The following RAB6A variants were observed in gnomAD, a reference collection of about 807,000 sequenced individuals.
The protein encoded by RAB6A is ras-related protein Rab-6A.
Under a neutral mutation model 32.3 loss-of-function variants are expected in RAB6A, and 8 were observed. That is an observed-to-expected ratio of 0.25 (90% confidence interval 0.15 to 0.45). RAB6A has a LOEUF of 0.45. Among genes scored for constraint, RAB6A ranks in the 20% least tolerant of loss-of-function variants. RAB6A has a pLI of 1.00. For synonymous variants in RAB6A, 73 were observed against 82.1 expected, an observed-to-expected ratio of 0.89 and a Z score of 0.60; for missense variants, 104 against 249.4, an observed-to-expected ratio of 0.42 and a Z score of 3.93.
chr11:73,718,559 C>T, intron 4 of RAB6A, 54 bp downstream of exon 4: 2 of 1,414,096 alleles, frequency 1.4e-6, no homozygotes, highest in Admixed American at 2.0e-5. Context: ...AACATGCATG[C>T]AGCTAAGCTA....
chr11:73,692,972 AAC>A (rs771077391), intron 6 of RAB6A, among the ~76,000 whole-genome samples: 2 of 108,560 alleles, frequency 1.8e-5, no homozygotes, highest in Non-Finnish European at 4.4e-5. Context: ...AACAAAACAA[AAC>A]AAAACAAAAA....
chr11:73,692,561 G>A (rs998989538), intron 6 of RAB6A, among the ~76,000 whole-genome samples: 1 of 150,048 alleles, frequency 6.7e-6, no homozygotes, highest in Non-Finnish European at 1.5e-5. Context: ...AGTTCTAATG[G>A]AAAAAGAAGT....
chr11:73,691,047 G>C (rs55831945), intron 6 of RAB6A, among the ~76,000 whole-genome samples: 10 of 152,066 alleles, frequency 6.6e-5, no homozygotes, highest in African/African-American at 2.4e-4. Flanking sequence ...CTGGGGAAGA[G>C]AGCTCAGGCC....
intron 1 of RAB6A, among the ~76,000 whole-genome samples, chr11:73,731,589 T>C (rs1420335521): frequency 6.7e-6 from 1 of 149,068 alleles, no homozygotes; most frequent in African/African-American, 2.5e-5. Context: ...GTTTTAAAAT[T>C]CATTTCAAAA....
At chr11:73,720,176 A>G (rs940600258) in intron 3 of RAB6A, among the ~76,000 whole-genome samples, 37 of 126,458 alleles carry the variant, frequency 2.9e-4, no homozygotes, top group Non-Finnish European at 5.3e-4. Flanking sequence ...ATAAATACAC[A>G]TTACTTTTTT....
intron 6 of RAB6A, among the ~76,000 whole-genome samples, chr11:73,687,346 C>T (rs1057175972): frequency 6.6e-6 from 1 of 152,118 alleles, no homozygotes; most frequent in Non-Finnish European, 1.5e-5. Flanking sequence ...TAAAAAAATC[C>T]TATTTTGTCT....
intron 6 of RAB6A, among the ~76,000 whole-genome samples, chr11:73,697,793 A>G (rs1049035525): frequency 2.0e-5 from 3 of 152,244 alleles, no homozygotes; most frequent in Admixed American, 6.5e-5. Context: ...TGCCTATAAC[A>G]TAACTAGGCA....
chr11:73,737,805 C>T (rs1026669563), intron 1 of RAB6A, among the ~76,000 whole-genome samples: 2 of 151,592 alleles, frequency 1.3e-5, no homozygotes, highest in African/African-American at 4.8e-5. Context: ...CCAGCCTGGC[C>T]AACATGGTGA....
intron 6 of RAB6A, among the ~76,000 whole-genome samples, chr11:73,680,663 G>T (rs573167627): frequency 8.6e-5 from 13 of 152,004 alleles, no homozygotes; most frequent in South Asian, 2.1e-4. Flanking sequence ...GCGGGGGTGT[G>T]GGGGGGAGAG....
At chr11:73,730,055 G>C (rs1946280782) in intron 2 of RAB6A, 2 of 152,240 alleles carry the variant, frequency 1.3e-5, no homozygotes, top group African/African-American at 4.8e-5. Context: ...GGATCTGTGA[G>C]TATAACAAAC....
chr11:73,705,772 G>C (rs1397411055), intron 6 of RAB6A, among the ~76,000 whole-genome samples: 1 of 138,250 alleles, frequency 7.2e-6, no homozygotes, highest in African/African-American at 2.5e-5. Context: ...TCCGATGAGA[G>C]AGAGAGAGAG....
intron 6 of RAB6A, among the ~76,000 whole-genome samples, chr11:73,698,849 ATTTT>A (rs555410867): frequency 8.5e-6 from 1 of 118,272 alleles, no homozygotes; most frequent in Admixed American, 1.0e-4. Flanking sequence ...TTTTTTTGCG[ATTTT>A]TTTTTTTTTT....
At chr11:73,711,287 T>G in intron 5 of RAB6A, among the ~76,000 whole-genome samples, 1 of 151,856 alleles carries the variant, frequency 6.6e-6, no homozygotes, top group East Asian at 1.9e-4. Context: ...GGCAGCCCAG[T>G]AGGGTCCTCA....
chr11:73,688,437 C>G (rs1945494500), intron 6 of RAB6A, among the ~76,000 whole-genome samples: 1 of 152,150 alleles, frequency 6.6e-6, no homozygotes, highest in African/African-American at 2.4e-5. Flanking sequence ...AAGAGAGAGA[C>G]AGATTTGAGC....
At chr11:73,682,512 A>C (rs916473366) in intron 6 of RAB6A, among the ~76,000 whole-genome samples, 1 of 152,114 alleles carries the variant, frequency 6.6e-6, no homozygotes. Flanking sequence ...AAATACACAA[A>C]ATTAGCTGGG....
intron 6 of RAB6A, among the ~76,000 whole-genome samples, chr11:73,683,181 C>G (rs929303005): frequency 6.6e-6 from 1 of 151,114 alleles, no homozygotes; most frequent in South Asian, 2.1e-4. Flanking sequence ...CAAACGTTAA[C>G]AGCATTTTGC....
chr11:73,679,924 G>C (rs867784055), intron 6 of RAB6A, among the ~76,000 whole-genome samples: 1 of 151,770 alleles, frequency 6.6e-6, no homozygotes, highest in South Asian at 2.1e-4. Flanking sequence ...GTGAAACTCT[G>C]TCTCTACAAA....
rs138222788 is a variant in RAB6A, at chr11:73,687,566, C to T, written c.496-7846G>A. Among the ~76,000 whole-genome samples the T allele has an allele frequency of 1.8e-4, 28 of 152,250 alleles. No individual in the cohort carries two copies. The East Asian group carries it at 5.0e-3, about 27-fold the overall frequency. On this transcript the variant is annotated intron_variant, in intron 6 of 7. Transcript: ENST00000336083. ...TGTCATTATTCATTGTTGAAAAGTA[C>T]ATGGGGCCAGGCACGGTGGCTCATG...
At chr11:73,678,715 T>A (rs1290525566) in intron 7 of RAB6A, among the ~76,000 whole-genome samples, 2 of 142,852 alleles carry the variant, frequency 1.4e-5, no homozygotes, top group Non-Finnish European at 3.0e-5. Flanking sequence ...ATGTTTTATG[T>A]TGTTGTTGTG....
Sources: gnomAD v4.1 joint callset for allele counts (sites outside exome capture counted in the v4.1 genomes callset) on GRCh38, gnomAD v4.1.1 for gene constraint, MANE v1.5 for transcripts, NCBI Gene and HGNC (gene_info 2026-07-23, HGNC 2026-07-21) for gene names.